Variants in TENM2 observed in about 807,000 individuals in gnomAD.
TENM2 encodes the protein teneurin-2.
A neutral mutation model predicts 245.2 loss-of-function variants in TENM2; 52 were observed. That is an observed-to-expected ratio of 0.21 (90% CI 0.17 to 0.27). The LOEUF is 0.27. TENM2 is among the 10% of genes least tolerant of loss of function. The probability of loss-of-function intolerance (pLI) is 1.00; values close to 1 mark genes in which losing one functional copy is unlikely to be tolerated. For missense variants in TENM2, 3,046 were observed against 3,666.8 expected (o/e 0.83, Z 4.37); for synonymous variants, 1,363 against 1,438.9 (o/e 0.95, Z 1.19).
intron 12 of TENM2, among the ~76,000 whole-genome samples, chr5:168,158,928 T>C (rs2152442516): frequency 6.9e-6 from 1 of 145,272 alleles, no homozygotes; most frequent in South Asian, 2.1e-4. Context: ...TACACATATA[T>C]ATGTATATAC....
At chr5:167,532,523 C>T (rs905082575) in intron 2 of TENM2, among the ~76,000 whole-genome samples, 9 of 151,918 alleles carry the variant, frequency 5.9e-5, no homozygotes, top group South Asian at 2.1e-4. Context: ...GGGGAACTCC[C>T]GTTTTTAAAA....
chr5:167,514,533 G>A (rs1414702092), intron 2 of TENM2, among the ~76,000 whole-genome samples: 3 of 152,186 alleles, frequency 2.0e-5, no homozygotes, highest in Admixed American at 1.3e-4. Context: ...AATAAATGAT[G>A]CCCATTGCCA....
At chr5:168,105,113 C>T (rs1392645433) in intron 9 of TENM2, among the ~76,000 whole-genome samples, 4 of 152,064 alleles carry the variant, frequency 2.6e-5, no homozygotes, top group African/African-American at 4.8e-5. Context: ...ATAAAATGTG[C>T]GTGTTATAAA....
At chr5:167,977,016 G>T (rs1238670368) in intron 4 of TENM2, among the ~76,000 whole-genome samples, 8 of 152,146 alleles carry the variant, frequency 5.3e-5, no homozygotes, top group Admixed American at 5.2e-4. Context: ...TCTTTTGTGG[G>T]AACATGGATG....
chr5:167,454,471 T>TGC (rs1216504424), intron 2 of TENM2, among the ~76,000 whole-genome samples: 39 of 151,896 alleles, frequency 2.6e-4, no homozygotes, highest in African/African-American at 9.2e-4. Flanking sequence ...TGTGTGTGTG[T>TGC]GTGTGCATGT....
At chr5:167,985,191 G>C (rs1783150878) in intron 4 of TENM2, among the ~76,000 whole-genome samples, 1 of 152,142 alleles carries the variant, frequency 6.6e-6, no homozygotes, top group African/African-American at 2.4e-5. Flanking sequence ...CTCCCTCACT[G>C]AGCACCACAG....
chr5:167,135,064 T>C, the TENM2 span, among the ~76,000 whole-genome samples: 1 of 152,220 alleles, frequency 6.6e-6, no homozygotes, highest in Non-Finnish European at 1.5e-5. Context: ...TCATCAGAGC[T>C]GTGCTGGGGG....
the TENM2 span, among the ~76,000 whole-genome samples, chr5:167,159,271 T>C: frequency 1.3e-5 from 2 of 152,076 alleles, no homozygotes; most frequent in African/African-American, 4.8e-5. Flanking sequence ...TCTCTTAGAA[T>C]CTACAATTTC....
At chr5:166,989,846 A>T in the TENM2 span, among the ~76,000 whole-genome samples, 1 of 149,650 alleles carries the variant, frequency 6.7e-6, no homozygotes, top group Non-Finnish European at 1.5e-5. Flanking sequence ...GGCATTCTAG[A>T]TGATAACGGT....
At chr5:166,984,283 A>T in the TENM2 span, among the ~76,000 whole-genome samples, 1 of 152,002 alleles carries the variant, frequency 6.6e-6, no homozygotes, top group African/African-American at 2.4e-5. Context: ...AAGCGGGAGG[A>T]TGTAATTGGT....
chr5:167,992,325 TAATG>T (rs1371720514), intron 4 of TENM2, among the ~76,000 whole-genome samples: 1 of 152,090 alleles, frequency 6.6e-6, no homozygotes, highest in Non-Finnish European at 1.5e-5. Context: ...TTTTAAAAAA[TAATG>T]AAATGAAATC....
At chr5:167,088,792 A>G in the TENM2 span, among the ~76,000 whole-genome samples, 4 of 152,326 alleles carry the variant, frequency 2.6e-5, no homozygotes, top group East Asian at 5.8e-4. Flanking sequence ...GATATTCAGT[A>G]CATCATTTTA....
the TENM2 span, among the ~76,000 whole-genome samples, chr5:167,016,914 A>G: frequency 6.6e-6 from 1 of 152,232 alleles, no homozygotes; most frequent in Non-Finnish European, 1.5e-5. Flanking sequence ...GAATTATCGA[A>G]GAAACCTCTA....
intron 2 of TENM2, among the ~76,000 whole-genome samples, chr5:167,522,333 A>C (rs1303089347): frequency 6.6e-6 from 1 of 152,162 alleles, no homozygotes; most frequent in African/African-American, 2.4e-5. Flanking sequence ...ACTCACAGTC[A>C]GCCTTATTTC....
chr5:167,640,855 ATAT>A (rs1779518944), intron 2 of TENM2, among the ~76,000 whole-genome samples: 2 of 71,740 alleles, frequency 2.8e-5, no homozygotes, highest in African/African-American at 1.1e-4. Flanking sequence ...ATATATATAT[ATAT>A]CCATATATAT....
intron 9 of TENM2, among the ~76,000 whole-genome samples, chr5:168,109,654 C>A (rs199601847): frequency 6.6e-6 from 1 of 152,236 alleles, no homozygotes; most frequent in Non-Finnish European, 1.5e-5. Flanking sequence ...TCAGGCCTCA[C>A]GCCAGACGTT....
chr5:167,229,920 C>T, the TENM2 span, among the ~76,000 whole-genome samples: 1 of 152,172 alleles, frequency 6.6e-6, no homozygotes, highest in East Asian at 1.9e-4. Flanking sequence ...ATTGGGTTCA[C>T]TTTTGCCTTG....
At chr5:167,036,891 T>C in the TENM2 span, among the ~76,000 whole-genome samples, 95 of 152,334 alleles carry the variant, frequency 6.2e-4, no homozygotes, top group African/African-American at 2.2e-3. Context: ...CTCTTACCAG[T>C]TTTTGCCTTT....
rs926173819 is a variant in TENM2 at position 167,477,287 on chromosome 5, A to G, written c.502+101814A>G. ...AGTAAAAAAAAAAAAAAAAAATACC[A>G]TGACTAGTAAAACAATTTTCTGCTA... On this transcript the variant is annotated intron_variant, in intron 2 of 28. Coordinates refer to ENST00000518659, the Ensembl canonical transcript of TENM2. Among the ~76,000 whole-genome samples the G allele has an allele frequency of 2.7e-5, 4 of 149,760 alleles. No individual in the cohort carries two copies. In the East Asian group the frequency reaches 7.8e-4, roughly 29 times the overall value.
Sources: gnomAD v4.1 joint callset for allele counts (sites outside exome capture counted in the v4.1 genomes callset) on GRCh38, gnomAD v4.1.1 for gene constraint, MANE v1.5 for transcripts, NCBI Gene and HGNC (gene_info 2026-07-23, HGNC 2026-07-21) for gene names.